SLC37A1: variants seen among roughly 807,000 people sequenced by gnomAD.
SLC37A1 encodes the protein solute carrier family 37 member 1.
In SLC37A1, 49 loss-of-function variants were observed where a neutral mutation model predicts 75.3. The observed-to-expected ratio is 0.65, with a 90% CI of 0.52 to 0.83. SLC37A1 has a LOEUF of 0.83. Among genes scored for constraint, SLC37A1 ranks in the 40% least tolerant of loss-of-function variants. The probability of loss-of-function intolerance (pLI) is 0.00; values close to 1 mark genes in which losing one functional copy is unlikely to be tolerated. For synonymous variants in SLC37A1, 268 were observed against 292.1 expected, an observed-to-expected ratio of 0.92 and a Z score of 0.84; for missense variants, 566 against 695.0, an observed-to-expected ratio of 0.81 and a Z score of 2.09.
chr21:42,519,896 G>C (rs2054603386), intron 2 of SLC37A1, among the ~76,000 whole-genome samples: 1 of 152,054 alleles, frequency 6.6e-6, no homozygotes, highest in Non-Finnish European at 1.5e-5. Context: ...TGTTCCTGTA[G>C]AACCGCTGTA....
chr21:42,565,763 T>C, intron 14 of SLC37A1, 64 bp from the exon 15 acceptor site: 3 of 1,477,380 alleles, frequency 2.0e-6, no homozygotes, highest in Non-Finnish European at 2.8e-6. Flanking sequence ...AGAAGTAGAT[T>C]TCCAGCAATC....
intron 17 of SLC37A1, 62 bp from the exon 18 acceptor site, chr21:42,574,756 G>C (rs2056269066): frequency 6.5e-7 from 1 of 1,536,868 alleles, no homozygotes; most frequent in African/African-American, 1.4e-5. Flanking sequence ...CTCTGTGGCT[G>C]CTAGTTATGT....
chr21:42,535,650 G>A, intron 5 of SLC37A1, 100 bp downstream of exon 5: 1 of 1,044,138 alleles, frequency 9.6e-7, no homozygotes, highest in East Asian at 2.4e-5. Context: ...GCGGGATTGA[G>A]GCCCCCGCTT....
intron 10 of SLC37A1, among the ~76,000 whole-genome samples, chr21:42,556,503 G>A (rs1342574277): frequency 6.6e-6 from 1 of 152,222 alleles, no homozygotes; most frequent in Admixed American, 6.5e-5. Flanking sequence ...TCGTTATTAC[G>A]CAGTCCCCCC....
chr21:42,561,545 G>C (rs2055828660), intron 11 of SLC37A1: 1 of 158,340 alleles, frequency 6.3e-6, no homozygotes, highest in African/African-American at 2.4e-5. Context: ...CAGTTCCAGG[G>C]AAGAAGAAGG....
rs531303774 is a variant in SLC37A1 at position 42,559,748 on chromosome 21, C to T, written c.981+659C>T. Among the ~76,000 whole-genome samples the T allele has an allele frequency of 9.2e-5, 14 of 152,192 alleles. No homozygotes were observed. In the South Asian group the frequency reaches 1.9e-3, roughly 20 times the overall value. ...AAAATTAGCTGGGCGTGGTGGCAGG[C>T]GCCTGTAGTCCTAGCTACTCAGGAG... is the stretch of plus-strand genomic sequence containing the variant. On this transcript the variant is annotated intron_variant, in intron 11 of 19. Transcript: ENST00000352133.
At chr21:42,575,685 GC>G (rs1413043135) in intron 18 of SLC37A1, 2 of 985,300 alleles carry the variant, frequency 2.0e-6, no homozygotes, top group Admixed American at 1.2e-4. Context: ...AAAACCTTAG[GC>G]TGATCCCAAT....
At position 42,552,792 on chromosome 21, in the gene SLC37A1, C is replaced by T. The variant is rs2055589442; in HGVS notation, c.769-1270C>T. On this transcript the variant is annotated intron_variant, in intron 9 of 19. Transcript: ENST00000352133. This position sits in a 1 kb window ranked among gnomAD's most constrained non-coding sequence, Gnocchi z 4.2. ...AGCACCCACGTTCCTGGCTGAAAAG[C>T]AGGAAGAAGAGGGCCCGGGTGATGC... is the stretch of plus-strand genomic sequence containing the variant. 1.3e-5 allele frequency among the ~76,000 whole-genome samples: 2 copies of T among 152,272 alleles called. No individual in the cohort carries two copies. The highest frequency in any genetic ancestry group is 1.9e-4 in the East Asian group (1 of 5,184).
intron 6 of SLC37A1, among the ~76,000 whole-genome samples, chr21:42,539,988 G>A (rs1423509516): frequency 6.6e-6 from 1 of 152,206 alleles, no homozygotes. Context: ...ACCACTTAGG[G>A]GTTGGAGGGT....
chr21:42,543,405 A>G (rs369040113), intron 7 of SLC37A1, 31 bp from the exon 8 acceptor site: 3 of 1,613,884 alleles, frequency 1.9e-6, no homozygotes, highest in Non-Finnish European at 2.5e-6. Flanking sequence ...TCTCAGCTCC[A>G]TCTTCTGTCT....
chr21:42,579,426 G>A (rs1016329788), intron 18 of SLC37A1, among the ~76,000 whole-genome samples: 3 of 80,312 alleles, frequency 3.7e-5, no homozygotes, highest in African/African-American at 7.3e-5. Context: ...TAGTCTAAAC[G>A]TGACTTGAAC....
intron 2 of SLC37A1, among the ~76,000 whole-genome samples, chr21:42,519,971 T>TGTGTGTGTGTGTGC (rs1470520604): frequency 6.6e-6 from 1 of 152,056 alleles, no homozygotes; most frequent in Non-Finnish European, 1.5e-5. Flanking sequence ...TGTTTGTGTG[T>TGTGTGTGTGTGTGC]GTGTGTGTGT....
At chr21:42,580,233 C>T (rs748654609) in intron 19 of SLC37A1, 112 bp from the exon 20 acceptor site, 33 of 1,249,672 alleles carry the variant, frequency 2.6e-5, no homozygotes, top group Non-Finnish European at 3.8e-5. Context: ...CCTGCTGGGC[C>T]GGGAGGGCAG....
chr21:42,562,603 C>T (rs1027828269), intron 12 of SLC37A1, among the ~76,000 whole-genome samples: 5 of 152,158 alleles, frequency 3.3e-5, no homozygotes, highest in African/African-American at 1.2e-4. Context: ...CGACAGTTTG[C>T]TTTATGTTTC....
intron 9 of SLC37A1, among the ~76,000 whole-genome samples, chr21:42,551,694 A>G (rs1320029656): frequency 6.6e-6 from 1 of 152,204 alleles, no homozygotes; most frequent in Non-Finnish European, 1.5e-5. Context: ...TGTCTTATAA[A>G]TGATTTTGCA....
chr21:42,574,671 A>G (rs1306541510), intron 17 of SLC37A1, 147 bp from the exon 18 acceptor site: 1 of 709,614 alleles, frequency 1.4e-6, no homozygotes, highest in Admixed American at 2.9e-5. Context: ...CCCGCTCCCA[A>G]TCTGATAGGC....
At chr21:42,510,104 T>C (rs564790221), upstream of SLC37A1, among the ~76,000 whole-genome samples, 1 of 152,376 alleles carries the variant, frequency 6.6e-6, no homozygotes, top group East Asian at 1.9e-4. Context: ...CTCAGCTCAC[T>C]GCAACCTCTG....
At chr21:42,569,731 T>C (rs1329154963) in intron 17 of SLC37A1, among the ~76,000 whole-genome samples, 1 of 152,234 alleles carries the variant, frequency 6.6e-6, no homozygotes, top group Admixed American at 6.5e-5. Context: ...CTCTGTTTTG[T>C]CTCCTCTGTC....
chr21:42,549,611 C>T (rs754777671), intron 9 of SLC37A1, among the ~76,000 whole-genome samples: 15 of 152,192 alleles, frequency 9.9e-5, no homozygotes, highest in Non-Finnish European at 2.1e-4. Flanking sequence ...AGGAATGTTA[C>T]CTGCTCTGTG....
Sources: gnomAD v4.1 joint callset for allele counts (sites outside exome capture counted in the v4.1 genomes callset) on GRCh38, gnomAD v4.1.1 for gene constraint, Gnocchi (gnomAD v3.1) non-coding constraint, MANE v1.5 for transcripts, NCBI Gene and HGNC (gene_info 2026-07-23, HGNC 2026-07-21) for gene names.